The following LPA variants were observed in gnomAD, a reference collection of about 807,000 sequenced individuals.
LPA encodes the protein apolipoprotein(a).
A neutral mutation model predicts 197.9 loss-of-function variants in LPA; 199 were observed. The observed-to-expected ratio is 1.01, with a 90% confidence interval of 0.90 to 1.13. The LOEUF (loss-of-function observed/expected upper bound fraction) is 1.13. Ranked by LOEUF, LPA falls within the 50% of genes most tolerant of loss-of-function variation. The pLI is 0.00. For synonymous variants in LPA, 715 were observed against 639.5 expected, an observed-to-expected ratio of 1.12 and a Z score of -1.78; for missense variants, 1,853 against 1,785.8, an observed-to-expected ratio of 1.04 and a Z score of -0.68.
rs1490671999 is a variant in LPA, at chr6:160,606,530, A to G, written c.2732T>C (p.Val911Ala). The G allele has an allele frequency of 1.2e-6, 2 of 1,613,508 alleles. No individual in the cohort carries two copies. Among genetic ancestry groups the G allele is most frequent in the African/African-American group, 2.7e-5 (2 of 74,900 alleles). The change falls in exon 17 of 39, where the codon GTC (valine) becomes GCC (alanine). Residue 911 changes from valine to alanine, a missense_variant. Val to Ala is a moderately conservative substitution (Grantham distance 64). Coordinates refer to ENST00000316300, the MANE Select transcript of LPA (RefSeq NM_005577.4). ...AATCGGGGTAATAGTTGGAGGCGCG[A>G]CGGCAGTCCCTTCTGCGTCTGAGCA... ...TQCSDAEGTA[V>A]APPTITPIPS... is the part of the protein sequence containing the mutation.
intron 24 of LPA, among the ~76,000 whole-genome samples, chr6:160,587,382 G>A (rs975393660): frequency 2.0e-5 from 3 of 151,950 alleles, no homozygotes; most frequent in African/African-American, 7.3e-5. Context: ...CTCTTTCCTT[G>A]TGCCTTATTT....
chr6:160,559,978 C>T (rs1226006938), intron 28 of LPA, among the ~76,000 whole-genome samples: 3 of 152,134 alleles, frequency 2.0e-5, no homozygotes, highest in Non-Finnish European at 4.4e-5. Context: ...TGTGATGTTC[C>T]CCTTCCTGTG....
In LPA at chr6:160,577,140, T is replaced by C; in HGVS notation, c.4627A>G (p.Asn1543Asp). 4 of 1,613,510 alleles carry C rather than the reference T, an allele frequency of 2.5e-6. No individual in the cohort carries two copies. Among genetic ancestry groups the C allele is most frequent in the Non-Finnish European group, 3.4e-6 (4 of 1,179,694 alleles). Residue 1543 changes from asparagine to aspartate, a missense_variant, in exon 28 of 39, where the codon AAT becomes GAT. Transcript: ENST00000316300. ...WHQRTPENYPNAGLTENYCRN... is the reference protein window; with the variant it reads ...WHQRTPENYPDAGLTENYCRN... The stretch of plus-strand genomic sequence containing the variant: ...TGGTTTTAATCAAATACATACGCAT[T>C]TGGGTAGTTTTCTGGGGTCCTCTGA...
chr6:160,558,377 A>G (rs1778305415), intron 28 of LPA, among the ~76,000 whole-genome samples: 1 of 152,252 alleles, frequency 6.6e-6, no homozygotes, highest in South Asian at 2.1e-4. Context: ...CAGCCCCTTT[A>G]TTTACTCACA....
chr6:160,647,353 C>T (rs544885978), intron 2 of LPA, among the ~76,000 whole-genome samples: 11 of 152,316 alleles, frequency 7.2e-5, no homozygotes, highest in Admixed American at 6.5e-4. Context: ...AAGAACGTTG[C>T]TCCAACCTCT....
chr6:160,542,003 G>A lies in LPA; in HGVS notation c.5519+685C>T, dbSNP rs376915623. ...AGAGGAGAACAGCAATTGAGCACAG[G>A]TGCCCTGGTGTAGAAAGGAGATGAG... On this transcript the variant is annotated intron_variant, in intron 34 of 38. Coordinates refer to ENST00000316300, the MANE Select transcript of LPA (RefSeq NM_005577.4). Among the ~76,000 whole-genome samples, 6 of 152,180 alleles carry A rather than the reference G, an allele frequency of 3.9e-5. No individual in the cohort carries two copies. The South Asian group carries it at 1.2e-3, about 32-fold the overall frequency.
intron 1 of LPA, among the ~76,000 whole-genome samples, chr6:160,662,108 G>A (rs555643998): frequency 1.3e-5 from 2 of 152,210 alleles, no homozygotes; most frequent in African/African-American, 4.8e-5. Flanking sequence ...TTAACCTGAT[G>A]ATTTTTCCAC....
At chr6:160,608,106 A>G (rs1013741128) in intron 16 of LPA, among the ~76,000 whole-genome samples, 2 of 152,180 alleles carry the variant, frequency 1.3e-5, no homozygotes, top group African/African-American at 4.8e-5. Flanking sequence ...TTAAAAATAT[A>G]TAGAAATTTG....
intron 1 of LPA, among the ~76,000 whole-genome samples, chr6:160,653,966 TTA>T (rs374211752): frequency 0.078 from 2,182 of 27,974 alleles, 217 homozygotes; most frequent in Non-Finnish European, 0.086. Context: ...ATAATATATA[TTA>T]TATATAATAT....
At position 160,531,488 on chromosome 6, in the gene LPA, T is replaced by A. The variant is rs1777805353; in HGVS notation, c.*241A>T. Reference sequence around the variant, plus strand: ...AGACCAAAACCAAAATTAATTCAAATCAAAATAAGTGCAGAGTTTATTTTT... The same window carrying A: ...AGACCAAAACCAAAATTAATTCAAAACAAAATAAGTGCAGAGTTTATTTTT... On this transcript the variant is annotated 3_prime_UTR_variant, in exon 39 of 39. Coordinates refer to ENST00000316300, the MANE Select transcript of LPA (RefSeq NM_005577.4). 2 of 534,334 alleles carry A rather than the reference T, an allele frequency of 3.7e-6. No individual in the cohort carries two copies. Among genetic ancestry groups the A allele is most frequent in the African/African-American group, 1.9e-5 (1 of 52,406 alleles). 33.1% of individuals were successfully genotyped at this position (534,334 alleles called of 1,614,324 possible).
chr6:160,572,682 T>C (rs1249273897), intron 28 of LPA, among the ~76,000 whole-genome samples: 1 of 152,182 alleles, frequency 6.6e-6, no homozygotes, highest in Non-Finnish European at 1.5e-5. Flanking sequence ...TTTCGCTGGA[T>C]ACAAAATTCT....
At chr6:160,541,805 C>CCA (rs1365184806) in intron 34 of LPA, among the ~76,000 whole-genome samples, 1 of 152,136 alleles carries the variant, frequency 6.6e-6, no homozygotes, top group Non-Finnish European at 1.5e-5. Flanking sequence ...AGGACATAGA[C>CCA]CACCACACAG....
At chr6:160,662,294 G>A (rs981937828) in intron 1 of LPA, among the ~76,000 whole-genome samples, 16 of 152,198 alleles carry the variant, frequency 1.1e-4, no homozygotes, top group African/African-American at 3.4e-4. Context: ...TATTAATGGT[G>A]TGAGAATTTC....
intron 34 of LPA, 79 bp downstream of exon 34, chr6:160,542,609 G>T (rs952108733): frequency 6.2e-7 from 1 of 1,600,594 alleles, no homozygotes; most frequent in Non-Finnish European, 8.5e-7. Flanking sequence ...TCAGCTGTGT[G>T]GGTTCTGTGT....
intron 26 of LPA, among the ~76,000 whole-genome samples, chr6:160,583,096 T>C (rs915725420): frequency 1.3e-5 from 2 of 152,184 alleles, no homozygotes; most frequent in Non-Finnish European, 2.9e-5. Context: ...CCACGCTTTC[T>C]TTAAATCCTT....
chr6:160,655,623 C>T (rs896515634), intron 1 of LPA, among the ~76,000 whole-genome samples: 2 of 152,180 alleles, frequency 1.3e-5, no homozygotes, highest in African/African-American at 4.8e-5. Flanking sequence ...TATGCTTCAC[C>T]TTAGAAGGAA....
intron 1 of LPA, among the ~76,000 whole-genome samples, chr6:160,655,426 G>T (rs1780115579): frequency 1.3e-5 from 2 of 152,298 alleles, no homozygotes; most frequent in Admixed American, 1.3e-4. Flanking sequence ...TTTCACAGCA[G>T]CCTGGACCTG....
At chr6:160,603,994 C>T (rs1385298957) in intron 18 of LPA, among the ~76,000 whole-genome samples, 2 of 152,168 alleles carry the variant, frequency 1.3e-5, no homozygotes, top group Middle Eastern at 3.2e-3. Flanking sequence ...ATTGAGCTCA[C>T]TGTTCAATCG....
Position 160,604,876 on chromosome 6 carries a change from A to G in LPA, c.2945+170T>C, listed in dbSNP as rs567380344. ...TAGGAGGAAGGAGAGCCAGATTAAC[A>G]TTTGTCTTCTCTTAGACTCTTTGCT... On this transcript the variant is annotated intron_variant, in intron 18 of 38. Coordinates refer to ENST00000316300, the MANE Select transcript of LPA (RefSeq NM_005577.4). Among the ~76,000 whole-genome samples, 9 of 152,228 alleles carry G rather than the reference A, an allele frequency of 5.9e-5. No homozygotes were observed. The South Asian group carries it at 1.5e-3, about 25-fold the overall frequency.
Sources: allele counts gnomAD v4.1 joint callset (sites outside exome capture counted in the v4.1 genomes callset), GRCh38; gene constraint gnomAD v4.1.1; transcripts MANE v1.5; gene names NCBI Gene and HGNC (gene_info 2026-07-23, HGNC 2026-07-21).